CELF4: variants seen among roughly 807,000 people sequenced by gnomAD.
CELF4 encodes CUG-BP- and ETR-3-like factor 4.
In CELF4, 18 loss-of-function variants were observed where a neutral mutation model predicts 59.9. That is an observed-to-expected ratio of 0.30 (90% confidence interval 0.21 to 0.45). The LOEUF is 0.45. CELF4 is among the 20% of genes least tolerant of loss of function. CELF4 has a pLI of 1.00. For synonymous variants in CELF4, 261 were observed against 267.1 expected (o/e 0.98, Z 0.22); for missense variants, 456 against 689.0 (o/e 0.66, Z 3.79).
At chr18:37,352,795 G>A (rs948805198) in intron 2 of CELF4, among the ~76,000 whole-genome samples, 3 of 152,080 alleles carry the variant, frequency 2.0e-5, no homozygotes. Flanking sequence ...AGTCTCCCAG[G>A]TAGAGATGCC....
chr18:37,392,631 A>G (rs1193618559), intron 2 of CELF4, among the ~76,000 whole-genome samples: 1 of 152,116 alleles, frequency 6.6e-6, no homozygotes, highest in Admixed American at 6.5e-5. Context: ...GTATGGCAGC[A>G]CTCCCTAGCA....
intron 1 of CELF4, among the ~76,000 whole-genome samples, chr18:37,508,201 C>T (rs867434560): frequency 2.0e-5 from 3 of 152,310 alleles, no homozygotes; most frequent in African/African-American, 7.2e-5. Flanking sequence ...TTGATCACCG[C>T]ATCTCTAAGG....
chr18:37,558,422 C>T (rs78921987), intron 1 of CELF4, among the ~76,000 whole-genome samples: 4,350 of 146,646 alleles, frequency 0.03, 228 homozygotes, highest in African/African-American at 0.11. Context: ...GTACCTTTAA[C>T]TTCTCTTATG....
intron 3 of CELF4, among the ~76,000 whole-genome samples, chr18:37,278,554 A>ACTGAGTTT (rs2093702126): frequency 1.3e-5 from 2 of 152,288 alleles, no homozygotes; most frequent in Non-Finnish European, 2.9e-5. Context: ...GATCTATGAA[A>ACTGAGTTT]TGGGTATGAT....
At chr18:37,249,282 G>C (rs996618995) in intron 12 of CELF4, among the ~76,000 whole-genome samples, 1 of 152,156 alleles carries the variant, frequency 6.6e-6, no homozygotes, top group Non-Finnish European at 1.5e-5. Context: ...AGGAACTAAG[G>C]AGGGTATTGC....
At chr18:37,366,956 T>G (rs1192456468) in intron 2 of CELF4, among the ~76,000 whole-genome samples, 1 of 152,080 alleles carries the variant, frequency 6.6e-6, no homozygotes, top group Non-Finnish European at 1.5e-5. Flanking sequence ...TTAAGAGGTA[T>G]TTACAGAAAA....
intron 2 of CELF4, among the ~76,000 whole-genome samples, chr18:37,342,575 G>A (rs957550126): frequency 6.6e-6 from 1 of 152,174 alleles, no homozygotes; most frequent in African/African-American, 2.4e-5. Flanking sequence ...ATCCCAGACT[G>A]GAAACAGCTC....
chr18:37,358,478 A>C (rs1471255497), intron 2 of CELF4, among the ~76,000 whole-genome samples: 1 of 152,170 alleles, frequency 6.6e-6, no homozygotes, highest in East Asian at 1.9e-4. Flanking sequence ...GCAGCGTGAA[A>C]ACGGACTAAT....
intron 6 of CELF4, chr18:37,273,451 G>C (rs1268323598): frequency 1.7e-6 from 2 of 1,146,600 alleles, no homozygotes; most frequent in African/African-American, 1.6e-5. Context: ...GTGCTAGTCA[G>C]CCCTGTGTAC....
chr18:37,250,274 A>G (rs2064688787), intron 12 of CELF4, among the ~76,000 whole-genome samples: 1 of 152,206 alleles, frequency 6.6e-6, no homozygotes, highest in Non-Finnish European at 1.5e-5. Flanking sequence ...CCAAGCCACC[A>G]GAGGGGTAGG....
rs2060844488 is a variant in CELF4 at position 37,243,184 on chromosome 18, TTC to T, written c.*2056_*2057del. The T allele has an allele frequency of 7.0e-6, 1 of 141,846 alleles. No individual in the cohort carries two copies. Among genetic ancestry groups the T allele is most frequent in the Non-Finnish European group, 1.5e-5 (1 of 65,710 alleles). 8.8% of individuals were successfully genotyped at this position (141,846 alleles called of 1,614,324 possible). On this transcript the variant is annotated 3_prime_UTR_variant, in exon 13 of 13. Coordinates refer to ENST00000420428, the MANE Select transcript of CELF4 (RefSeq NM_020180.4). ...GCTGTTTTCTTTTTTTTTTCTTTTT[TTC>T]TTTTTTTTTTTTTTTTTTTTACATC...
At chr18:37,402,380 C>G (rs1185684527) in intron 2 of CELF4, among the ~76,000 whole-genome samples, 1 of 152,168 alleles carries the variant, frequency 6.6e-6, no homozygotes, top group Non-Finnish European at 1.5e-5. Flanking sequence ...GAACATATAC[C>G]ACTGCTCACC....
chr18:37,334,617 T>C (rs1248738455), intron 2 of CELF4, among the ~76,000 whole-genome samples: 1 of 151,890 alleles, frequency 6.6e-6, no homozygotes, highest in Non-Finnish European at 1.5e-5. Flanking sequence ...AGCCCTCCCC[T>C]GTGTAACTGT....
intron 3 of CELF4, among the ~76,000 whole-genome samples, chr18:37,308,130 T>C (rs984970033): frequency 8.6e-5 from 13 of 152,012 alleles, no homozygotes; most frequent in African/African-American, 2.7e-4. Flanking sequence ...GGAGGCTGCA[T>C]TGGTCTCTGG....
chr18:37,287,938 G>A (rs2094960595), intron 3 of CELF4, among the ~76,000 whole-genome samples: 1 of 152,216 alleles, frequency 6.6e-6, no homozygotes, highest in African/African-American at 2.4e-5. Flanking sequence ...TGGGTGGCCA[G>A]GATGCTTCTG....
chr18:37,495,293 G>A (rs543188352), intron 1 of CELF4, among the ~76,000 whole-genome samples: 9 of 152,212 alleles, frequency 5.9e-5, no homozygotes, highest in East Asian at 3.9e-4. Context: ...TGATATGGGC[G>A]ACAGACAGGG....
Position 37,410,033 on chromosome 18 carries a change from C to T in CELF4, c.369+75492G>A, listed in dbSNP as rs115915442. Among the ~76,000 whole-genome samples, 819 of 152,238 alleles carry T rather than the reference C, an allele frequency of 5.4e-3. 7 individuals are homozygous for T. Among genetic ancestry groups the T allele is most frequent in the African/African-American group, 0.018 (739 of 41,548 alleles). On this transcript the variant is annotated intron_variant, in intron 2 of 12. Coordinates refer to ENST00000420428, the MANE Select transcript of CELF4 (RefSeq NM_020180.4). The stretch of plus-strand genomic sequence containing the variant: ...GAAAGGCCAATGAGAATGATGGAGG[C>T]GGAGACGGCCTCAGGGCCACTTTCA...
intron 2 of CELF4, among the ~76,000 whole-genome samples, chr18:37,478,795 G>C (rs1171559561): frequency 6.6e-6 from 1 of 152,224 alleles, no homozygotes; most frequent in Non-Finnish European, 1.5e-5. Flanking sequence ...AGTGCTTTGG[G>C]CTTCTCTCTT....
intron 2 of CELF4, among the ~76,000 whole-genome samples, chr18:37,334,102 G>A (rs981263738): frequency 3.3e-5 from 5 of 152,134 alleles, no homozygotes; most frequent in Admixed American, 6.5e-5. Context: ...GCTCACATAC[G>A]TATAGTGTTG....
Sources: allele counts gnomAD v4.1 joint callset (sites outside exome capture counted in the v4.1 genomes callset), GRCh38; gene constraint gnomAD v4.1.1; transcripts MANE v1.5; gene names NCBI Gene and HGNC (gene_info 2026-07-23, HGNC 2026-07-21).